NALF1: variants seen among roughly 807,000 people sequenced by gnomAD.
The protein encoded by NALF1 is family with sequence similarity 155 member A.
Under a neutral mutation model 48.4 loss-of-function variants are expected in NALF1, and 3 were observed. That is an observed-to-expected ratio of 0.06 (90% CI 0.03 to 0.16). The LOEUF (loss-of-function observed/expected upper bound fraction) is 0.16. NALF1 is among the 10% of genes least tolerant of loss of function. NALF1 has a pLI of 1.00. For synonymous variants in NALF1, 262 were observed against 245.7 expected (o/e 1.07, Z -0.62); for missense variants, 526 against 571.5 (o/e 0.92, Z 0.81).
At chr13:107,738,388 A>T (rs1361661678) in intron 1 of NALF1, among the ~76,000 whole-genome samples, 1 of 152,196 alleles carries the variant, frequency 6.6e-6, no homozygotes, top group Admixed American at 6.5e-5. Flanking sequence ...CCAATTGAAC[A>T]ACTATGTTAG....
chr13:107,319,267 C>T (rs1023060697), intron 1 of NALF1, among the ~76,000 whole-genome samples: 14 of 152,056 alleles, frequency 9.2e-5, no homozygotes, highest in Non-Finnish European at 1.8e-4. Flanking sequence ...AACTGGTGAA[C>T]GTGGGACAGA....
chr13:107,382,230 C>T (rs551269193), intron 1 of NALF1, among the ~76,000 whole-genome samples: 7 of 152,184 alleles, frequency 4.6e-5, no homozygotes, highest in East Asian at 3.9e-4. Flanking sequence ...ATGATATGTA[C>T]GTGATATATA....
At chr13:107,857,891 A>G (rs577251795) in intron 1 of NALF1, among the ~76,000 whole-genome samples, 1 of 152,342 alleles carries the variant, frequency 6.6e-6, no homozygotes, top group East Asian at 1.9e-4. Context: ...GCTCCCATTT[A>G]CTGGGCATCA....
chr13:107,661,023 G>A (rs1051381029), intron 1 of NALF1, among the ~76,000 whole-genome samples: 4 of 152,150 alleles, frequency 2.6e-5, no homozygotes, highest in African/African-American at 4.8e-5. Context: ...GAAAAAATCC[G>A]TAAGTTGAAC....
chr13:107,776,201 A>G (rs1877725520), intron 1 of NALF1, among the ~76,000 whole-genome samples: 1 of 152,218 alleles, frequency 6.6e-6, no homozygotes, highest in Admixed American at 6.5e-5. Flanking sequence ...GAGGCAATAG[A>G]GGGCAGTGAT....
chr13:107,522,759 A>G (rs1272209778), intron 1 of NALF1, among the ~76,000 whole-genome samples: 2 of 151,812 alleles, frequency 1.3e-5, no homozygotes, highest in Non-Finnish European at 2.9e-5. Context: ...ATGTGACACC[A>G]TGCTCGACTA....
chr13:107,526,904 A>G (rs1283789211), intron 1 of NALF1, among the ~76,000 whole-genome samples: 1 of 152,210 alleles, frequency 6.6e-6, no homozygotes, highest in Non-Finnish European at 1.5e-5. Flanking sequence ...GCGTTTGTCT[A>G]CTAATGACAG....
intron 1 of NALF1, among the ~76,000 whole-genome samples, chr13:107,481,357 T>C (rs944266769): frequency 6.6e-6 from 1 of 152,190 alleles, no homozygotes; most frequent in African/African-American, 2.4e-5. Context: ...ATACATCTTG[T>C]CACAATAATA....
intron 1 of NALF1, among the ~76,000 whole-genome samples, chr13:107,554,036 G>A (rs1028076788): frequency 6.6e-6 from 1 of 152,228 alleles, no homozygotes; most frequent in African/African-American, 2.4e-5. Context: ...AGCCCTGAGA[G>A]CCTTAGTCCC....
chr13:107,764,989 A>T (rs886789761), intron 1 of NALF1, among the ~76,000 whole-genome samples: 2 of 152,152 alleles, frequency 1.3e-5, no homozygotes, highest in African/African-American at 4.8e-5. Flanking sequence ...CTGCTTTTCA[A>T]GTCACTGCAA....
chr13:107,265,939 G>C (rs991257676), intron 1 of NALF1, among the ~76,000 whole-genome samples: 1 of 152,084 alleles, frequency 6.6e-6, no homozygotes, highest in African/African-American at 2.4e-5. Context: ...TATGATTTGC[G>C]TTTTCTCTAG....
At chr13:107,257,654 T>C (rs1204295408) in intron 1 of NALF1, among the ~76,000 whole-genome samples, 1 of 152,108 alleles carries the variant, frequency 6.6e-6, no homozygotes, top group Non-Finnish European at 1.5e-5. Context: ...AGCGACCCAT[T>C]TCCCATCACT....
intron 1 of NALF1, among the ~76,000 whole-genome samples, chr13:107,554,918 G>A (rs536612600): frequency 1.3e-5 from 2 of 152,190 alleles, no homozygotes; most frequent in South Asian, 2.1e-4. Context: ...GAATGTCTAA[G>A]TAGAGGAGGA....
At chr13:107,469,060 C>T (rs913367725) in intron 1 of NALF1, among the ~76,000 whole-genome samples, 6 of 151,860 alleles carry the variant, frequency 4.0e-5, no homozygotes, top group South Asian at 4.2e-4. Flanking sequence ...TTACTTTTAC[C>T]GATATACTCA....
chr13:107,525,430 T>C (rs1316392745), intron 1 of NALF1, among the ~76,000 whole-genome samples: 2 of 152,134 alleles, frequency 1.3e-5, no homozygotes, highest in Non-Finnish European at 2.9e-5. Context: ...ATCTATGTTG[T>C]TGCTGCATGT....
chr13:107,761,314 G>A (rs34337171), intron 1 of NALF1, among the ~76,000 whole-genome samples: 2,302 of 151,194 alleles, frequency 0.015, 58 homozygotes, highest in African/African-American at 0.05. Context: ...CTGAGATCGC[G>A]CCACTGCACC....
chr13:107,277,633 T>A (rs982564535), intron 1 of NALF1, among the ~76,000 whole-genome samples: 6 of 152,222 alleles, frequency 3.9e-5, no homozygotes, highest in Non-Finnish European at 8.8e-5. Context: ...CTAAGGCCAA[T>A]GACTAGAAGA....
intron 1 of NALF1, among the ~76,000 whole-genome samples, chr13:107,226,578 A>G (rs1880112179): frequency 6.6e-6 from 1 of 152,250 alleles, no homozygotes; most frequent in Admixed American, 6.5e-5. Flanking sequence ...ACTATAATGT[A>G]AAACATACTT....
chr13:107,400,289 A>G (rs541008011), intron 1 of NALF1, among the ~76,000 whole-genome samples: 1 of 152,312 alleles, frequency 6.6e-6, no homozygotes, highest in South Asian at 2.1e-4. Flanking sequence ...CTTGGTGGTT[A>G]GTATTTTCTA....
Sources: gnomAD v4.1 joint callset for allele counts (sites outside exome capture counted in the v4.1 genomes callset) on GRCh38, gnomAD v4.1.1 for gene constraint, MANE v1.5 for transcripts, NCBI Gene and HGNC (gene_info 2026-07-23, HGNC 2026-07-21) for gene names.